Variants in VPS50 observed in about 807,000 individuals in gnomAD.
VPS50 encodes the protein VPS50 subunit of EARP/GARPII complex.
VPS50 carries 70 observed loss-of-function variants against 139.7 expected under a neutral mutation model. The ratio of observed to expected loss-of-function variants is 0.50; its 90% CI spans 0.41 to 0.61. The LOEUF (loss-of-function observed/expected upper bound fraction) is 0.61. Among genes scored for constraint, VPS50 ranks in the 20% least tolerant of loss-of-function variants. The pLI, the probability that VPS50 is intolerant of heterozygous loss-of-function variation, is 0.00. For missense variants in VPS50, 921 were observed against 1,133.7 expected, an observed-to-expected ratio of 0.81 and a Z score of 2.69; for synonymous variants, 365 against 376.7, an observed-to-expected ratio of 0.97 and a Z score of 0.36.
chr7:93,358,187 C>T (rs879226521), intron 27 of VPS50, 130 bp from the exon 28 acceptor site: 2 of 787,716 alleles, frequency 2.5e-6, no homozygotes, highest in South Asian at 3.5e-5. Context: ...CTGTAATTTC[C>T]ACTGTTTTTC....
chr7:93,282,216 A>AC (rs1796352636), intron 12 of VPS50, among the ~76,000 whole-genome samples: 1 of 151,974 alleles, frequency 6.6e-6, no homozygotes, highest in African/African-American at 2.4e-5. Flanking sequence ...AAAAAAAAAA[A>AC]CAAAAAACAA....
chr7:93,274,635 G>GA (rs1180179564), intron 11 of VPS50, among the ~76,000 whole-genome samples: 29 of 152,108 alleles, frequency 1.9e-4, no homozygotes, highest in African/African-American at 6.8e-4. Flanking sequence ...GATGAATGTT[G>GA]TTTTCATGCC....
chr7:93,240,245 A>T (rs1161355403), intron 2 of VPS50, among the ~76,000 whole-genome samples: 11 of 145,452 alleles, frequency 7.6e-5, no homozygotes, highest in African/African-American at 1.0e-4. Flanking sequence ...ACACACACAC[A>T]CACACTCTCT....
At chr7:93,306,067 C>G (rs1797107789) in intron 18 of VPS50, 63 bp downstream of exon 18, 2 of 1,201,192 alleles carry the variant, frequency 1.7e-6, no homozygotes, top group Middle Eastern at 2.0e-4. Flanking sequence ...ACTCAATGAA[C>G]AAGGCAATTC....
rs772992869 is a variant in VPS50, at chr7:93,257,487, G to A, written c.422+23G>A. ...AAGGTATTGCTTTTGATGATATTTT[G>A]TTCTTTAAGCTGAACAATATTTCAA... On this transcript the variant is annotated intron_variant, in intron 6 of 27. Transcript: ENST00000305866. The A allele has an allele frequency of 4.2e-6, 6 of 1,420,914 alleles. No individual in the cohort carries two copies. The African/African-American group carries it at 4.3e-5, about 10-fold the overall frequency. 88.0% of individuals were successfully genotyped at this position (1,420,914 alleles called of 1,614,324 possible).
At chr7:93,246,579 AC>A (rs1169040718) in intron 2 of VPS50, among the ~76,000 whole-genome samples, 1 of 151,898 alleles carries the variant, frequency 6.6e-6, no homozygotes, top group African/African-American at 2.4e-5. Context: ...AGGTTAAATT[AC>A]TTTTCAAAAT....
chr7:93,251,337 A>G (rs1795321066), intron 2 of VPS50, among the ~76,000 whole-genome samples: 1 of 152,216 alleles, frequency 6.6e-6, no homozygotes, highest in African/African-American at 2.4e-5. Context: ...CTTGTAATAT[A>G]TGCAGCCATA....
At chr7:93,290,430 T>G (rs910651025) in intron 12 of VPS50, among the ~76,000 whole-genome samples, 16 of 151,616 alleles carry the variant, frequency 1.1e-4, no homozygotes, top group Admixed American at 4.0e-4. Flanking sequence ...TTTTTTTTTT[T>G]TTTGTGACCA....
chr7:93,260,076 A>G (rs1190392391), intron 9 of VPS50, among the ~76,000 whole-genome samples: 2 of 152,166 alleles, frequency 1.3e-5, no homozygotes, highest in African/African-American at 2.4e-5. Flanking sequence ...AAATTTAAGT[A>G]TGGTTTCAAT....
intron 9 of VPS50, among the ~76,000 whole-genome samples, chr7:93,261,227 A>C (rs1795661112): frequency 6.6e-6 from 1 of 152,184 alleles, no homozygotes; most frequent in South Asian, 2.1e-4. Flanking sequence ...ATTGGGTGAA[A>C]ATAATTCAGG....
chr7:93,349,816 T>A lies in VPS50; in HGVS notation c.2305-59T>A, dbSNP rs556204537. ...ATACTGGAAACAGGGGCAAGTATTC[T>A]TTATCAATATGATACTTTTAGAAAA... On this transcript the variant is annotated intron_variant, in intron 24 of 27. Transcript: ENST00000305866. The A allele has an allele frequency of 2.3e-6, 3 of 1,333,054 alleles. No individual in the cohort carries two copies. In the South Asian group the frequency reaches 3.9e-5, roughly 17 times the overall value. The allele number at this position is 1,333,054 out of a possible 1,614,324, so 82.6% of individuals were successfully genotyped here. A position where few individuals can be genotyped will look rare whatever the true frequency, so the allele number is the denominator to read the frequency against.
chr7:93,246,170 T>A (rs1584381990), intron 2 of VPS50: 1 of 1,251,284 alleles, frequency 8.0e-7, no homozygotes, highest in East Asian at 2.5e-5. Flanking sequence ...CAGAATAGAT[T>A]TTTTATGTTG....
intron 13 of VPS50, 44 bp from the exon 14 acceptor site, chr7:93,294,500 CA>C (rs1796744842): frequency 6.9e-7 from 1 of 1,447,004 alleles, no homozygotes; most frequent in African/African-American, 1.4e-5. Flanking sequence ...AAAACAAACA[CA>C]AATTGGATTA....
chr7:93,271,832 TG>T (rs1477783036), intron 10 of VPS50, among the ~76,000 whole-genome samples: 1 of 151,780 alleles, frequency 6.6e-6, no homozygotes, highest in African/African-American at 2.4e-5. Context: ...AAGAATTATT[TG>T]TATTTGGTTT....
rs76619710 is a variant in VPS50, at chr7:93,281,534, C to T, written c.942+5229C>T. Reference sequence around the variant, plus strand: ...TAAAGTTAATGTTCATGTTTAGTACCCATTTTGTTTTGGGTTCTCTATAGA... The same window carrying T: ...TAAAGTTAATGTTCATGTTTAGTACTCATTTTGTTTTGGGTTCTCTATAGA... On this transcript the variant is annotated intron_variant, in intron 12 of 27. Coordinates refer to ENST00000305866, the MANE Select transcript of VPS50 (RefSeq NM_017667.4). Among the ~76,000 whole-genome samples, 845 of 152,020 alleles carry T rather than the reference C, an allele frequency of 5.6e-3. 3 individuals are homozygous for T. The highest frequency in any genetic ancestry group is 8.7e-3 in the Non-Finnish European group (593 of 67,982).
At chr7:93,257,842 A>C (rs1030441631) in intron 6 of VPS50, 3 of 242,160 alleles carry the variant, frequency 1.2e-5, no homozygotes, top group African/African-American at 2.2e-5. Context: ...TACAGTCTTA[A>C]TTTTTTTAAT....
intron 2 of VPS50, among the ~76,000 whole-genome samples, chr7:93,246,612 T>C (rs1232295811): frequency 6.6e-6 from 1 of 151,880 alleles, no homozygotes; most frequent in African/African-American, 2.4e-5. Flanking sequence ...TTGAGTTTAA[T>C]AATGGTAAGG....
At chr7:93,342,360 C>T (rs1798241914) in intron 23 of VPS50, among the ~76,000 whole-genome samples, 1 of 152,200 alleles carries the variant, frequency 6.6e-6, no homozygotes, top group Admixed American at 6.5e-5. Flanking sequence ...GCTAGCACAG[C>T]AGTCTGAGAT....
At chr7:93,253,490 G>C (rs1240167456) in intron 3 of VPS50, among the ~76,000 whole-genome samples, 1 of 152,194 alleles carries the variant, frequency 6.6e-6, no homozygotes, top group African/African-American at 2.4e-5. Flanking sequence ...TATATCTGTG[G>C]ATGGTAGAGT....
Sources: gnomAD v4.1 joint callset for allele counts (sites outside exome capture counted in the v4.1 genomes callset) on GRCh38, gnomAD v4.1.1 for gene constraint, MANE v1.5 for transcripts, NCBI Gene and HGNC (gene_info 2026-07-23, HGNC 2026-07-21) for gene names.